The following FRMPD1 variants were observed in gnomAD, a reference collection of about 807,000 sequenced individuals.
FRMPD1 encodes the protein FERM and PDZ domain-containing protein 1.
A neutral mutation model predicts 117.8 loss-of-function variants in FRMPD1; 76 were observed. The ratio of observed to expected loss-of-function variants is 0.65; its 90% CI spans 0.54 to 0.78. FRMPD1 has a LOEUF of 0.78. FRMPD1 is among the 30% of genes least tolerant of loss of function. The pLI, the probability that FRMPD1 is intolerant of heterozygous loss-of-function variation, is 0.00. For missense variants in FRMPD1, 1,786 were observed against 1,964.5 expected, an observed-to-expected ratio of 0.91 and a Z score of 1.72; for synonymous variants, 783 against 770.4, an observed-to-expected ratio of 1.02 and a Z score of -0.27.
At chr9:37,719,773 G>T (rs377519482) in intron 6 of FRMPD1, among the ~76,000 whole-genome samples, 1 of 152,192 alleles carries the variant, frequency 6.6e-6, no homozygotes, top group Non-Finnish European at 1.5e-5. Context: ...TCACTATGAC[G>T]TGCTGTCTAG....
At chr9:37,630,663 G>A in the FRMPD1 span, among the ~76,000 whole-genome samples, 364 of 152,226 alleles carry the variant, frequency 2.4e-3, 2 homozygotes, top group African/African-American at 8.5e-3. Flanking sequence ...TGGTCAGATC[G>A]CTTGAGGCCA....
the FRMPD1 span, among the ~76,000 whole-genome samples, chr9:37,639,371 C>T: frequency 6.6e-6 from 1 of 151,982 alleles, no homozygotes; most frequent in Non-Finnish European, 1.5e-5. Flanking sequence ...CTGGGTGTCG[C>T]CATGTTTCCC....
Position 37,745,339 on chromosome 9 carries a change from G to A in FRMPD1, c.3307G>A (p.Glu1103Lys), listed in dbSNP as rs778814628. ...EKIASIPTKE[E>K]PQGQLSLERD... ...GATAGCTTCTATCCCTACAAAGGAAGAGCCACAAGGACAACTATCTCTGGA... is the reference window on the plus strand; with the variant it reads ...GATAGCTTCTATCCCTACAAAGGAAAAGCCACAAGGACAACTATCTCTGGA... The change falls in exon 16 of 16, where the codon GAG becomes AAG. Residue 1103 changes from glutamate to lysine, a missense_variant. Glu to Lys is a moderately conservative substitution (Grantham distance 56). Transcript: ENST00000377765. The A allele has an allele frequency of 1.1e-5, 18 of 1,613,176 alleles. No homozygotes were observed. In the Admixed American group the frequency reaches 1.7e-4, roughly 15 times the overall value.
chr9:37,722,993 G>A (rs1440880642), intron 6 of FRMPD1, among the ~76,000 whole-genome samples: 3 of 152,180 alleles, frequency 2.0e-5, no homozygotes, highest in Admixed American at 6.5e-5. Flanking sequence ...ACACAGACCA[G>A]TCCTGTGCCT....
At chr9:37,652,537 G>A (rs1011894164) in intron 1 of FRMPD1, among the ~76,000 whole-genome samples, 2 of 152,168 alleles carry the variant, frequency 1.3e-5, no homozygotes. Context: ...TCGACATCCT[G>A]GTTTTAAGTT....
chr9:37,654,861 C>T (rs752750292), intron 1 of FRMPD1, among the ~76,000 whole-genome samples: 1 of 152,210 alleles, frequency 6.6e-6, no homozygotes, highest in Non-Finnish European at 1.5e-5. Flanking sequence ...AAATGACCAC[C>T]CACAGCACTT....
At chr9:37,733,332 A>T (rs1271563116) in intron 10 of FRMPD1, 141 bp from the exon 11 acceptor site, 9 of 779,464 alleles carry the variant, frequency 1.2e-5, no homozygotes, top group Non-Finnish European at 1.9e-5. Flanking sequence ...TGTGTGAGAA[A>T]GAAAAAGAGA....
chr9:37,643,028 GC>G, the FRMPD1 span, among the ~76,000 whole-genome samples: 6 of 152,036 alleles, frequency 3.9e-5, no homozygotes, highest in African/African-American at 1.4e-4. Context: ...TAAAGTTGTT[GC>G]TCAAGTATTA....
chr9:37,657,603 G>A (rs1262583929), intron 1 of FRMPD1, among the ~76,000 whole-genome samples: 4 of 152,124 alleles, frequency 2.6e-5, no homozygotes, highest in Non-Finnish European at 5.9e-5. Flanking sequence ...TGGGGTGAGG[G>A]ACATTTTATG....
intron 1 of FRMPD1, among the ~76,000 whole-genome samples, chr9:37,674,319 G>A (rs1377238290): frequency 6.6e-6 from 1 of 152,082 alleles, no homozygotes. Flanking sequence ...TCCAGTTCTC[G>A]ATAAGTTCCT....
chr9:37,630,670 G>A, the FRMPD1 span, among the ~76,000 whole-genome samples: 1 of 152,052 alleles, frequency 6.6e-6, no homozygotes, highest in African/African-American at 2.4e-5. Flanking sequence ...ATCGCTTGAG[G>A]CCAGACTTTC....
intron 5 of FRMPD1, among the ~76,000 whole-genome samples, chr9:37,715,982 A>G (rs959176694): frequency 3.3e-5 from 5 of 152,170 alleles, no homozygotes; most frequent in African/African-American, 1.2e-4. Context: ...ACCATTCCTC[A>G]TAGATGGGTT....
the FRMPD1 span, among the ~76,000 whole-genome samples, chr9:37,640,698 A>T: frequency 6.6e-6 from 1 of 152,204 alleles, no homozygotes; most frequent in South Asian, 2.1e-4. Flanking sequence ...GACTCATAAA[A>T]TCATCCTTTA....
the FRMPD1 span, among the ~76,000 whole-genome samples, chr9:37,611,832 T>C: frequency 6.6e-6 from 1 of 152,066 alleles, no homozygotes; most frequent in Admixed American, 6.5e-5. Flanking sequence ...ATGTCTATCT[T>C]CTGTATTCTT....
At chr9:37,649,639 G>A (rs1445676712), upstream of FRMPD1, among the ~76,000 whole-genome samples, 3 of 152,218 alleles carry the variant, frequency 2.0e-5, no homozygotes, top group Non-Finnish European at 4.4e-5. Context: ...AGTGCTGCTA[G>A]TCTTCCCCCA....
chr9:37,740,909 A>G lies in FRMPD1; in HGVS notation c.2356+25A>G, dbSNP rs1396347776. The G allele has an allele frequency of 2.5e-6, 4 of 1,585,920 alleles. No homozygotes were observed. Among genetic ancestry groups the G allele is most frequent in the African/African-American group, 1.3e-5 (1 of 74,428 alleles). ...GGTGAGCCGTCCCTTGCAGGTCTGC[A>G]GACACGGCAGGCAGCTCCTGAGTGC... On this transcript the variant is annotated intron_variant, in intron 15 of 15. Coordinates refer to ENST00000377765, the MANE Select transcript of FRMPD1 (RefSeq NM_014907.3). This position sits in a 1 kb window ranked among gnomAD's most constrained non-coding sequence, Gnocchi z 4.2.
chr9:37,647,415 G>A (rs1316856495), upstream of FRMPD1, among the ~76,000 whole-genome samples: 9 of 151,732 alleles, frequency 5.9e-5, no homozygotes, highest in Admixed American at 5.9e-4. Context: ...CGGAGGCTCA[G>A]GCAGGAGAAT....
chr9:37,614,054 G>A, the FRMPD1 span, among the ~76,000 whole-genome samples: 1 of 152,220 alleles, frequency 6.6e-6, no homozygotes, highest in Non-Finnish European at 1.5e-5. Context: ...CCAGCAGAGA[G>A]GGGACTTTAT....
At position 37,692,748 on chromosome 9, in the gene FRMPD1, C is replaced by G. The variant is rs753629613; in HGVS notation, c.101+6C>G. On this transcript the variant is annotated splice_donor_region_variant and intron_variant, in intron 2 of 15. Transcript: ENST00000377765. ...TCCCGGGACAGCTCGGCCCGGTAAG[C>G]CTCCTGAGTTTGCAGATTTCTGTCT... 3.7e-6 allele frequency: 6 copies of G among 1,603,878 alleles called. No individual in the cohort carries two copies. The Admixed American group carries it at 8.3e-5, about 22-fold the overall frequency.
Sources: gnomAD v4.1 joint callset for allele counts (sites outside exome capture counted in the v4.1 genomes callset) on GRCh38, gnomAD v4.1.1 for gene constraint, Gnocchi (gnomAD v3.1) non-coding constraint, MANE v1.5 for transcripts, NCBI Gene and HGNC (gene_info 2026-07-23, HGNC 2026-07-21) for gene names.